SLC67A2: variants seen among roughly 807,000 people sequenced by gnomAD.
SLC67A2 encodes the protein solute carrier family 67 member 2, also known as solute carrier family 67 member A2.
chr2:102,731,997 T>C, the SLC67A2 span: 1 of 444,086 alleles, frequency 2.3e-6, no homozygotes, highest in Non-Finnish European at 4.4e-6. Flanking sequence ...TAAGGGTTCC[T>C]GTAGGCAGGA....
the SLC67A2 span, among the ~76,000 whole-genome samples, chr2:102,730,470 A>C: frequency 6.6e-6 from 1 of 152,220 alleles, no homozygotes; most frequent in African/African-American, 2.4e-5. Context: ...ACACAACTTT[A>C]AATAGAATAG....
the SLC67A2 span, among the ~76,000 whole-genome samples, chr2:102,721,967 G>C: frequency 6.6e-6 from 1 of 152,148 alleles, no homozygotes; most frequent in African/African-American, 2.4e-5. Flanking sequence ...CAGCCTCCCA[G>C]AGTGCTGGGA....
the SLC67A2 span, chr2:102,731,203 CTT>C: frequency 3.8e-6 from 2 of 531,524 alleles, no homozygotes; most frequent in South Asian, 3.6e-5. Context: ...TATCTCACAT[CTT>C]TTTTTTTTCT....
chr2:102,736,543 G>A, the SLC67A2 span: 19 of 1,607,334 alleles, frequency 1.2e-5, no homozygotes, highest in African/African-American at 2.4e-4. Context: ...GCGGACTGCG[G>A]GTTCCCACTC....
At chr2:102,718,848 C>T in the SLC67A2 span, 1 of 1,613,984 alleles carries the variant, frequency 6.2e-7, no homozygotes, top group South Asian at 1.1e-5. Context: ...CCGGCCACGG[C>T]CCCCAGCATG....
chr2:102,735,735 G>A, the SLC67A2 span, among the ~76,000 whole-genome samples: 2 of 152,074 alleles, frequency 1.3e-5, no homozygotes, highest in Non-Finnish European at 2.9e-5. Flanking sequence ...GTGAAGCTCC[G>A]CAGCACCTGC....
chr2:102,732,169 G>A, the SLC67A2 span: 12 of 749,992 alleles, frequency 1.6e-5, no homozygotes, highest in Non-Finnish European at 2.9e-5. Flanking sequence ...TTTGCTATAG[G>A]GTAATATTTT....
chr2:102,714,929 A>T, the SLC67A2 span, among the ~76,000 whole-genome samples: 28 of 152,078 alleles, frequency 1.8e-4, no homozygotes, highest in Non-Finnish European at 3.1e-4. Context: ...ACTGATTCTC[A>T]CTCCTGATAG....
chr2:102,728,140 A>C, the SLC67A2 span, among the ~76,000 whole-genome samples: 1 of 152,150 alleles, frequency 6.6e-6, no homozygotes, highest in East Asian at 1.9e-4. Flanking sequence ...TGAAAAAAAA[A>C]AGTCACTGCC....
chr2:102,728,151 T>G, the SLC67A2 span, among the ~76,000 whole-genome samples: 2 of 152,072 alleles, frequency 1.3e-5, no homozygotes, highest in Non-Finnish European at 2.9e-5. Flanking sequence ...AGTCACTGCC[T>G]TAAAAGAACA....
chr2:102,718,408 G>A, the SLC67A2 span: 1 of 1,612,870 alleles, frequency 6.2e-7, no homozygotes, highest in Non-Finnish European at 8.5e-7. Flanking sequence ...GCTTTATGTT[G>A]TCCAAATCCA....
the SLC67A2 span, among the ~76,000 whole-genome samples, chr2:102,714,780 C>G: frequency 2.0e-5 from 3 of 152,120 alleles, no homozygotes; most frequent in Non-Finnish European, 4.4e-5. Flanking sequence ...TCTGTGGTAA[C>G]CCTGTTTTAG....
the SLC67A2 span, chr2:102,716,703 C>T: frequency 6.6e-6 from 1 of 152,182 alleles, no homozygotes; most frequent in African/African-American, 2.4e-5. Flanking sequence ...CTGTAGCATA[C>T]TAAAATATTT....
chr2:102,725,861 A>G, the SLC67A2 span, among the ~76,000 whole-genome samples: 6 of 152,168 alleles, frequency 3.9e-5, no homozygotes, highest in African/African-American at 7.2e-5. Context: ...GTCAGTTAAA[A>G]GCAAGCAGTT....
chr2:102,732,443 A>C, the SLC67A2 span: 1 of 1,536,550 alleles, frequency 6.5e-7, no homozygotes, highest in Non-Finnish European at 8.8e-7. Flanking sequence ...GACTCAAATT[A>C]GTATTTTTCA....
chr2:102,723,969 T>C, the SLC67A2 span: 14 of 1,418,400 alleles, frequency 9.9e-6, no homozygotes, highest in Non-Finnish European at 1.3e-5. Context: ...ATCTTACTTA[T>C]GATCCTGTGC....
the SLC67A2 span, among the ~76,000 whole-genome samples, chr2:102,730,622 A>G: frequency 1.3e-5 from 2 of 150,526 alleles, no homozygotes; most frequent in Non-Finnish European, 3.0e-5. Flanking sequence ...GGCTCACTGC[A>G]AACTCCGCCT....
the SLC67A2 span, among the ~76,000 whole-genome samples, chr2:102,735,149 C>G: frequency 1.3e-5 from 2 of 152,178 alleles, no homozygotes; most frequent in Non-Finnish European, 2.9e-5. Flanking sequence ...CATCCCCATG[C>G]TGAGAATGAA....
chr2:102,736,246 G>C, the SLC67A2 span, among the ~76,000 whole-genome samples: 3 of 152,092 alleles, frequency 2.0e-5, no homozygotes, highest in East Asian at 3.9e-4. Context: ...CTGGTAAAAA[G>C]GCTTGCGTGT....
Sources: allele counts gnomAD v4.1 joint callset (sites outside exome capture counted in the v4.1 genomes callset), GRCh38; gene constraint gnomAD v4.1.1; transcripts MANE v1.5; gene names NCBI Gene and HGNC (gene_info 2026-07-23, HGNC 2026-07-21).